The following MARCHF1 variants were observed in gnomAD, a reference collection of about 807,000 sequenced individuals.
MARCHF1 encodes E3 ubiquitin-protein ligase MARCHF1.
Under a neutral mutation model 54.2 loss-of-function variants are expected in MARCHF1, and 40 were observed. The observed-to-expected ratio is 0.74, with a 90% confidence interval of 0.57 to 0.96. The LOEUF (loss-of-function observed/expected upper bound fraction) is 0.96, where lower values mean the gene tolerates loss of function less well. MARCHF1 is among the 40% of genes least tolerant of loss of function. The pLI is 0.00. For missense variants in MARCHF1, 586 were observed against 656.5 expected (o/e 0.89, Z 1.17); for synonymous variants, 236 against 236.3 (o/e 1.00, Z 0.01).
At chr4:164,339,294 A>G (rs939134539) in intron 1 of MARCHF1, among the ~76,000 whole-genome samples, 1 of 152,206 alleles carries the variant, frequency 6.6e-6, no homozygotes, top group East Asian at 1.9e-4. Flanking sequence ...AGCACATGCT[A>G]AACATTCTCA....
At chr4:164,035,795 T>C (rs1162334255) in intron 2 of MARCHF1, among the ~76,000 whole-genome samples, 1 of 151,630 alleles carries the variant, frequency 6.6e-6, no homozygotes, top group Non-Finnish European at 1.5e-5. Flanking sequence ...ATTAATAGTA[T>C]TTTGGCCGGG....
chr4:163,556,251 G>A (rs1327317160), intron 8 of MARCHF1, among the ~76,000 whole-genome samples: 1 of 152,028 alleles, frequency 6.6e-6, no homozygotes, highest in Non-Finnish European at 1.5e-5. Flanking sequence ...GTTAAAATAG[G>A]GAACTGTGTA....
intron 5 of MARCHF1, among the ~76,000 whole-genome samples, chr4:163,658,362 G>T (rs1240341744): frequency 1.3e-5 from 2 of 151,960 alleles, no homozygotes; most frequent in Non-Finnish European, 2.9e-5. Flanking sequence ...ACTATCTCAT[G>T]CCAGTCAGAA....
rs1554008879 is a variant in MARCHF1, at chr4:163,733,258, T to TATACACATGTATATATATACAC, written c.112-32396_112-32395insGTGTATATATATACATGTGTAT. On this transcript the variant is annotated intron_variant, in intron 4 of 9. Transcript: ENST00000514618. Reference sequence around the variant, plus strand: ...ATATATATACACGTGTATATATATATACACACACACACACACACAGACACA... The same window carrying TATACACATGTATATATATACAC: ...ATATATATACACGTGTATATATATATATACACATGTATATATATACACACACACACACACACACACAGACACA... Among the ~76,000 whole-genome samples the TATACACATGTATATATATACAC allele has an allele frequency of 1.1e-3, 49 of 45,064 alleles. 7 individuals carry two copies. The highest frequency in any genetic ancestry group is 2.8e-3 in the African/African-American group (43 of 15,258). The allele number at this position is 45,064 out of a possible 152,430, so 29.6% of individuals were successfully genotyped here. A position where few individuals can be genotyped will look rare whatever the true frequency, so the allele number is the denominator to read the frequency against.
intron 4 of MARCHF1, among the ~76,000 whole-genome samples, chr4:163,802,896 G>A (rs1181703689): frequency 6.6e-6 from 1 of 152,166 alleles, no homozygotes; most frequent in Non-Finnish European, 1.5e-5. Flanking sequence ...TATTCTAATA[G>A]TGATTTAGAA....
intron 5 of MARCHF1, among the ~76,000 whole-genome samples, chr4:163,664,489 G>A (rs207465224): frequency 6.6e-6 from 1 of 152,042 alleles, no homozygotes; most frequent in African/African-American, 2.4e-5. Context: ...AGAAATGGAG[G>A]AGATTTCCCC....
chr4:164,160,143 G>C (rs914798689), intron 1 of MARCHF1, among the ~76,000 whole-genome samples: 1 of 152,020 alleles, frequency 6.6e-6, no homozygotes, highest in Non-Finnish European at 1.5e-5. Flanking sequence ...TTTCAAATTC[G>C]ATATTTTTAT....
At chr4:163,613,626 G>A (rs1042913917) in intron 5 of MARCHF1, 16 of 1,423,660 alleles carry the variant, frequency 1.1e-5, no homozygotes, top group South Asian at 1.6e-5. Flanking sequence ...CTTCATTTAC[G>A]AGAGAGGAAG....
intron 1 of MARCHF1, among the ~76,000 whole-genome samples, chr4:164,375,819 C>A (rs1171484039): frequency 6.6e-6 from 1 of 152,146 alleles, no homozygotes. Context: ...AACAGTAGGA[C>A]CTTGAGCACA....
intron 7 of MARCHF1, among the ~76,000 whole-genome samples, chr4:163,588,874 G>A (rs895876438): frequency 2.6e-5 from 4 of 151,880 alleles, no homozygotes; most frequent in East Asian, 1.9e-4. Context: ...AAGCACACAC[G>A]TGATTCTGAG....
At chr4:164,351,445 TCCCTGAC>T (rs1241501431) in intron 1 of MARCHF1, among the ~76,000 whole-genome samples, 1 of 150,458 alleles carries the variant, frequency 6.6e-6, no homozygotes, top group African/African-American at 2.4e-5. Flanking sequence ...CTCAAGTGGG[TCCCTGAC>T]CCCTGACCCC....
At chr4:163,773,077 A>G (rs949999842) in intron 4 of MARCHF1, among the ~76,000 whole-genome samples, 33 of 152,228 alleles carry the variant, frequency 2.2e-4, no homozygotes, top group African/African-American at 8.0e-4. Context: ...TGCTAGAGGC[A>G]ATGGGGGAAA....
intron 4 of MARCHF1, among the ~76,000 whole-genome samples, chr4:163,834,231 A>C (rs1355641464): frequency 6.6e-6 from 1 of 152,088 alleles, no homozygotes; most frequent in African/African-American, 2.4e-5. Context: ...TTGAAGTTGT[A>C]ACTTTAGGAG....
intron 2 of MARCHF1, among the ~76,000 whole-genome samples, chr4:164,089,795 T>C (rs1429826002): frequency 6.6e-6 from 1 of 151,974 alleles, no homozygotes; most frequent in African/African-American, 2.4e-5. Flanking sequence ...TAGTTATGAC[T>C]CTTTAAAGGT....
At chr4:164,381,698 A>G (rs114447473) in intron 1 of MARCHF1, among the ~76,000 whole-genome samples, 3,186 of 152,312 alleles carry the variant, frequency 0.021, 48 homozygotes, top group Non-Finnish European at 0.032. Context: ...CCCATCATGT[A>G]AGCACGTCAG....
intron 5 of MARCHF1, among the ~76,000 whole-genome samples, chr4:163,650,989 T>TA (rs1244028692): frequency 6.6e-6 from 1 of 151,826 alleles, no homozygotes. Context: ...GAAACTGAAG[T>TA]AAAAAGAGGT....
At chr4:163,767,801 T>C (rs1024600252) in intron 4 of MARCHF1, among the ~76,000 whole-genome samples, 1 of 152,200 alleles carries the variant, frequency 6.6e-6, no homozygotes, top group Non-Finnish European at 1.5e-5. Flanking sequence ...CTACTATACT[T>C]TAAAACAGCC....
At chr4:163,985,347 T>C (rs1436785249) in intron 3 of MARCHF1, among the ~76,000 whole-genome samples, 8 of 152,136 alleles carry the variant, frequency 5.3e-5, no homozygotes, top group East Asian at 3.9e-4. Context: ...TAATATCAAC[T>C]GTATTCAAAC....
intron 3 of MARCHF1, among the ~76,000 whole-genome samples, chr4:163,918,629 A>G (rs955376234): frequency 6.6e-6 from 1 of 152,178 alleles, no homozygotes; most frequent in East Asian, 1.9e-4. Flanking sequence ...ATTTCTGTTC[A>G]TTGAAATGTG....
Sources: gnomAD v4.1 joint callset for allele counts (sites outside exome capture counted in the v4.1 genomes callset) on GRCh38, gnomAD v4.1.1 for gene constraint, MANE v1.5 for transcripts, NCBI Gene and HGNC (gene_info 2026-07-23, HGNC 2026-07-21) for gene names.